FNDC1: variants seen among roughly 807,000 people sequenced by gnomAD.
FNDC1 encodes fibronectin type III domain-containing protein 1.
Under a neutral mutation model 168.0 loss-of-function variants are expected in FNDC1, and 96 were observed. The ratio of observed to expected loss-of-function variants is 0.57; its 90% CI spans 0.48 to 0.68. The LOEUF (loss-of-function observed/expected upper bound fraction) is 0.68. FNDC1 is among the 30% of genes least tolerant of loss of function. The probability of loss-of-function intolerance (pLI) is 0.00; values close to 1 mark genes in which losing one functional copy is unlikely to be tolerated. For missense variants in FNDC1, 2,587 were observed against 2,482.1 expected, an observed-to-expected ratio of 1.04 and a Z score of -0.90; for synonymous variants, 1,099 against 1,025.9, an observed-to-expected ratio of 1.07 and a Z score of -1.36.
chr6:159,214,687 G>A (rs1407834342), intron 4 of FNDC1, among the ~76,000 whole-genome samples: 1 of 152,192 alleles, frequency 6.6e-6, no homozygotes, highest in Admixed American at 6.5e-5. Context: ...CAAGATTTCT[G>A]GCGGGCAGTC....
At chr6:159,241,467 A>G (rs431205) in intron 14 of FNDC1, among the ~76,000 whole-genome samples, 128,287 of 152,172 alleles carry the variant, frequency 0.84, 54,562 homozygotes, top group Non-Finnish European at 0.89. Flanking sequence ...TGCAAATCAT[A>G]ACATATATAT....
At chr6:159,179,666 T>C (rs543352871) in intron 1 of FNDC1, among the ~76,000 whole-genome samples, 2 of 152,324 alleles carry the variant, frequency 1.3e-5, no homozygotes, top group African/African-American at 2.4e-5. Context: ...ACTGGCTTAC[T>C]TGATATTTGG....
chr6:159,249,318 A>T (rs1562308277), intron 16 of FNDC1, 136 bp downstream of exon 16: 1 of 768,844 alleles, frequency 1.3e-6, no homozygotes, highest in Non-Finnish European at 2.1e-6. Flanking sequence ...TCCACTGGGG[A>T]TAATTGAGTG....
intron 4 of FNDC1, among the ~76,000 whole-genome samples, chr6:159,208,317 G>T (rs1180329433): frequency 6.6e-6 from 1 of 152,196 alleles, no homozygotes; most frequent in Non-Finnish European, 1.5e-5. Flanking sequence ...TCTGGGTCTA[G>T]AGATAAGCTA....
At position 159,239,726 on chromosome 6, in the gene FNDC1, A is replaced by G. The variant is rs913184086; in HGVS notation, c.4390A>G (p.Thr1464Ala). The G allele has an allele frequency of 1.3e-6, 2 of 1,548,058 alleles. No individual in the cohort carries two copies. Among genetic ancestry groups the G allele is most frequent in the African/African-American group, 2.7e-5 (2 of 72,854 alleles). ...TACTACGACGCCCCTGCCTACCACTACAACCCCGAGGCCCACCACTGCCAC... is the reference window on the plus strand; with the variant it reads ...TACTACGACGCCCCTGCCTACCACTGCAACCCCGAGGCCCACCACTGCCAC... The part of the protein sequence containing the change: ...TTTTTPLPTT[T>A]TPRPTTATTR... Residue 1464 changes from threonine to alanine, a missense_variant, in exon 14 of 23, where the codon ACA (threonine) becomes GCA (alanine). Physicochemically the swap from Thr to Ala is moderately conservative, Grantham distance 58 (BLOSUM62 0). Transcript: ENST00000297267.
At chr6:159,261,840 G>A (rs1396170845) in intron 19 of FNDC1, among the ~76,000 whole-genome samples, 7 of 152,170 alleles carry the variant, frequency 4.6e-5, no homozygotes, top group African/African-American at 1.7e-4. Context: ...GGTGGCTCAT[G>A]CCTGTAATCC....
chr6:159,205,646 C>G (rs1467860142), intron 4 of FNDC1, among the ~76,000 whole-genome samples: 1 of 152,196 alleles, frequency 6.6e-6, no homozygotes, highest in Non-Finnish European at 1.5e-5. Context: ...TTTCTAAGAA[C>G]TTTCTTAGGC....
intron 9 of FNDC1, 107 bp from the exon 10 acceptor site, chr6:159,229,708 T>G (rs1258089553): frequency 7.3e-6 from 7 of 964,370 alleles, no homozygotes; most frequent in Non-Finnish European, 1.1e-5. Context: ...GCTAGTGTAT[T>G]AATTTTAGTA....
rs755284935 is a variant in FNDC1 at position 159,265,015 on chromosome 6, G to A, written c.5284+11G>A. On this transcript the variant is annotated intron_variant, in intron 20 of 22. Transcript: ENST00000297267. The stretch of plus-strand genomic sequence containing the variant: ...TTGTGAGGCCCCCAGGTAAGTTTAT[G>A]TTCTTGATAATCTGGACATTCTGGT... The A allele has an allele frequency of 5.6e-6, 9 of 1,600,702 alleles. No individual in the cohort carries two copies. The highest frequency in any genetic ancestry group is 6.8e-6 in the Non-Finnish European group (8 of 1,171,362).
At chr6:159,185,067 T>TGGGG (rs61164680) in intron 1 of FNDC1, among the ~76,000 whole-genome samples, 3 of 66,958 alleles carry the variant, frequency 4.5e-5, no homozygotes, top group African/African-American at 1.5e-4. Context: ...ATATGGAGGG[T>TGGGG]GGGGGGGGGG....
rs148023586 is a variant in FNDC1, at chr6:159,271,823, C to T, written c.*381C>T. On this transcript the variant is annotated 3_prime_UTR_variant, in exon 23 of 23. Coordinates refer to ENST00000297267, the MANE Select transcript of FNDC1 (RefSeq NM_032532.3). ...GCTGTTCTTGCTTCATGGAATGCTA[C>T]ATGCTTTCTGTTTTTCTCATTTTGG... The T allele has an allele frequency of 1.2e-4, 19 of 162,100 alleles. No individual in the cohort carries two copies. In the East Asian group the frequency reaches 3.3e-3, roughly 28 times the overall value. The allele number at this position is 162,100 out of a possible 1,614,324, so 10.0% of individuals were successfully genotyped here.
At chr6:159,170,782 C>T (rs985410261) in intron 1 of FNDC1, among the ~76,000 whole-genome samples, 3 of 152,174 alleles carry the variant, frequency 2.0e-5, no homozygotes, top group Non-Finnish European at 2.9e-5. Flanking sequence ...ATTCTGATGC[C>T]AATGCCACTT....
intron 18 of FNDC1, 73 bp downstream of exon 18, chr6:159,256,704 A>G: frequency 8.9e-7 from 1 of 1,123,470 alleles, no homozygotes; most frequent in East Asian, 2.3e-5. Flanking sequence ...GTTGGAAATG[A>G]AGGGAGGAAT....
At chr6:159,189,760 C>T (rs1235419037) in intron 1 of FNDC1, among the ~76,000 whole-genome samples, 1 of 152,228 alleles carries the variant, frequency 6.6e-6, no homozygotes, top group East Asian at 1.9e-4. Context: ...AAGACAAAGA[C>T]AGCACTACTT....
rs1177242435 is a variant in FNDC1, at chr6:159,269,288, C to T, written c.5569+1362C>T. Reference sequence around the variant, plus strand: ...TCTATCTATCTATCTATCTATCTATCTATCCATCCATCCATCTATCCTATC... The same window carrying T: ...TCTATCTATCTATCTATCTATCTATTTATCCATCCATCCATCTATCCTATC... On this transcript the variant is annotated intron_variant, in intron 22 of 22. Coordinates refer to ENST00000297267, the MANE Select transcript of FNDC1 (RefSeq NM_032532.3). 5.0e-4 allele frequency among the ~76,000 whole-genome samples: 20 copies of T among 40,082 alleles called. 1 individual carries two copies. The highest frequency in any genetic ancestry group is 1.8e-3 in the Non-Finnish European group (15 of 8,308). The allele number at this position is 40,082 out of a possible 152,430, so 26.3% of individuals were successfully genotyped here.
At chr6:159,262,769 A>G (rs1426328483) in intron 19 of FNDC1, among the ~76,000 whole-genome samples, 1 of 152,202 alleles carries the variant, frequency 6.6e-6, no homozygotes, top group Admixed American at 6.5e-5. Flanking sequence ...ATGGCCTCCA[A>G]GGGATGGGTG....
intron 6 of FNDC1, 87 bp from the exon 7 acceptor site, chr6:159,223,441 T>C (rs1191761722): frequency 1.5e-6 from 1 of 680,298 alleles, no homozygotes; most frequent in Non-Finnish European, 2.5e-6. Context: ...TTATGCAGGG[T>C]GAATAATAGC....
rs796280954 is a variant in FNDC1 at position 159,266,165 on chromosome 6, G to A, written c.5366G>A (p.Arg1789His). 3.7e-6 allele frequency: 6 copies of A among 1,613,982 alleles called. No homozygotes were observed. The highest frequency in any genetic ancestry group is 5.1e-6 in the Non-Finnish European group (6 of 1,179,878). The change falls in exon 21 of 23, where the codon CGC becomes CAC. Residue 1789 changes from arginine (R) to histidine (H), a missense_variant. By Grantham distance (29) the Arg-to-His change is conservative. Transcript: ENST00000297267. Reference sequence around the variant, plus strand: ...TGCCATGGACGGCAATATGTGAAGCGCACGTGGTATCGAAAGTTCGTGGGA... The same window carrying A: ...TGCCATGGACGGCAATATGTGAAGCACACGTGGTATCGAAAGTTCGTGGGA... ...TDCHGRQYVKRTWYRKFVGVV... is the reference protein window; with the variant it reads ...TDCHGRQYVKHTWYRKFVGVV...
At chr6:159,220,238 G>T (rs1166157658) in intron 5 of FNDC1, among the ~76,000 whole-genome samples, 1 of 152,172 alleles carries the variant, frequency 6.6e-6, no homozygotes, top group Non-Finnish European at 1.5e-5. Flanking sequence ...TTGAACACAA[G>T]TCTTCTTTCA....
Sources: gnomAD v4.1 joint callset for allele counts (sites outside exome capture counted in the v4.1 genomes callset) on GRCh38, gnomAD v4.1.1 for gene constraint, MANE v1.5 for transcripts, NCBI Gene and HGNC (gene_info 2026-07-23, HGNC 2026-07-21) for gene names.